The following STXBP5L variants were observed in gnomAD, a reference collection of about 807,000 sequenced individuals.
STXBP5L encodes syntaxin-binding protein 5-like.
A neutral mutation model predicts 144.5 loss-of-function variants in STXBP5L; 65 were observed. That is an observed-to-expected ratio of 0.45 (90% CI 0.37 to 0.55). STXBP5L has a LOEUF of 0.55. STXBP5L is among the 20% of genes least tolerant of loss of function. The probability of loss-of-function intolerance (pLI) is 0.00; values close to 1 mark genes in which losing one functional copy is unlikely to be tolerated. For synonymous variants in STXBP5L, 505 were observed against 469.6 expected (o/e 1.08, Z -0.97); for missense variants, 1,298 against 1,405.5 (o/e 0.92, Z 1.22).
At chr3:121,167,131 G>A (rs576047277) in intron 9 of STXBP5L, among the ~76,000 whole-genome samples, 2 of 151,912 alleles carry the variant, frequency 1.3e-5, no homozygotes, top group Non-Finnish European at 2.9e-5. Context: ...GAAAATAGAG[G>A]GTCCTCCAGA....
chr3:121,012,312 G>C (rs1944834099), intron 3 of STXBP5L, among the ~76,000 whole-genome samples: 1 of 151,700 alleles, frequency 6.6e-6, no homozygotes, highest in Admixed American at 6.6e-5. Context: ...GTTTTCATTT[G>C]TCTTGGGCAT....
chr3:121,280,126 T>A (rs550431194), intron 19 of STXBP5L, among the ~76,000 whole-genome samples, 170 bp downstream of exon 19: 3 of 151,972 alleles, frequency 2.0e-5, no homozygotes, highest in Non-Finnish European at 4.4e-5. Context: ...ATTGTGAGAA[T>A]CTTTGAAAGG....
At chr3:121,299,552 T>G (rs1204308370) in intron 19 of STXBP5L, among the ~76,000 whole-genome samples, 1 of 151,972 alleles carries the variant, frequency 6.6e-6, no homozygotes, top group Non-Finnish European at 1.5e-5. Flanking sequence ...CTAGAAATGA[T>G]CCAAACAGAA....
At chr3:121,028,349 GA>G (rs1478737791) in intron 3 of STXBP5L, among the ~76,000 whole-genome samples, 8 of 152,086 alleles carry the variant, frequency 5.3e-5, no homozygotes, top group African/African-American at 1.4e-4. Flanking sequence ...ATTAGTAATG[GA>G]AAAATTAATT....
At chr3:121,361,402 C>T (rs7649908) in intron 20 of STXBP5L, among the ~76,000 whole-genome samples, 112,736 of 151,964 alleles carry the variant, frequency 0.74, 42,031 homozygotes, top group East Asian at 0.93. Flanking sequence ...CTTCCCTACC[C>T]CCCCTTTAAG....
At chr3:121,176,508 A>G (rs2046940710) in intron 9 of STXBP5L, among the ~76,000 whole-genome samples, 2 of 148,876 alleles carry the variant, frequency 1.3e-5, no homozygotes, top group South Asian at 4.2e-4. Flanking sequence ...AAAAAAAAAA[A>G]GGTGAAGTAT....
At chr3:120,962,803 T>C (rs1939023475) in intron 3 of STXBP5L, among the ~76,000 whole-genome samples, 1 of 152,234 alleles carries the variant, frequency 6.6e-6, no homozygotes, top group Non-Finnish European at 1.5e-5. Flanking sequence ...TTTTTCCAAT[T>C]CTGTGAAGAA....
intron 20 of STXBP5L, among the ~76,000 whole-genome samples, chr3:121,355,153 C>G (rs1207532669): frequency 2.6e-5 from 4 of 152,134 alleles, no homozygotes; most frequent in African/African-American, 7.2e-5. Context: ...GTGAATCTGA[C>G]AATTATGTTC....
intron 9 of STXBP5L, among the ~76,000 whole-genome samples, chr3:121,198,609 TGTGTTTAG>T (rs2048013993): frequency 1.3e-5 from 2 of 152,234 alleles, no homozygotes; most frequent in African/African-American, 4.8e-5. Context: ...GGATTTTTTA[TGTGTTTAG>T]GTCTTACATT....
intron 7 of STXBP5L, among the ~76,000 whole-genome samples, chr3:121,129,278 T>C (rs965144457): frequency 1.3e-5 from 2 of 152,082 alleles, no homozygotes; most frequent in African/African-American, 4.8e-5. Context: ...TGGAATCTCC[T>C]GAAACTGTCT....
chr3:121,140,724 G>A (rs553127681), intron 7 of STXBP5L, among the ~76,000 whole-genome samples: 11 of 152,190 alleles, frequency 7.2e-5, no homozygotes, highest in African/African-American at 2.4e-4. Context: ...GTTACTTACC[G>A]GCAGCTGAGG....
At chr3:121,312,100 C>T in intron 19 of STXBP5L, among the ~76,000 whole-genome samples, 1 of 152,098 alleles carries the variant, frequency 6.6e-6, no homozygotes, top group East Asian at 1.9e-4. Context: ...GGAAAGGATT[C>T]CCTATTTAAT....
chr3:121,360,352 G>A (rs776907137), intron 20 of STXBP5L, among the ~76,000 whole-genome samples: 3 of 151,624 alleles, frequency 2.0e-5, no homozygotes, highest in Non-Finnish European at 2.9e-5. Context: ...AATCCATTCA[G>A]TCATTCTGTG....
In STXBP5L at chr3:121,267,869, G is replaced by A. The variant is rs146670500; in HGVS notation, c.1958+8701G>A. Among the ~76,000 whole-genome samples the A allele has an allele frequency of 8.3e-3, 1,260 of 152,176 alleles. 19 individuals are homozygous for A. The highest frequency in any genetic ancestry group is 0.026 in the African/African-American group (1,063 of 41,542). On this transcript the variant is annotated intron_variant, in intron 18 of 26. Coordinates refer to ENST00000471454, the MANE Select transcript of STXBP5L (RefSeq NM_001308330.2). ...AAATCACAATGAGATATTATCTCAC[G>A]CCAGTTAGAATGGTGATTATTAAAA...
At chr3:121,042,427 TG>T (rs1337586036) in intron 4 of STXBP5L, among the ~76,000 whole-genome samples, 1 of 152,154 alleles carries the variant, frequency 6.6e-6, no homozygotes. Context: ...ATTTTTATAG[TG>T]GAAATTAGAG....
chr3:121,001,313 A>G (rs1943756200), intron 3 of STXBP5L, among the ~76,000 whole-genome samples: 1 of 152,232 alleles, frequency 6.6e-6, no homozygotes, highest in South Asian at 2.1e-4. Flanking sequence ...ATCTGAGGCT[A>G]CACTGCAAGT....
chr3:120,990,019 T>C (rs1942678782), intron 3 of STXBP5L, among the ~76,000 whole-genome samples: 2 of 152,078 alleles, frequency 1.3e-5, no homozygotes, highest in African/African-American at 4.8e-5. Context: ...AGTCAAATTG[T>C]CCCTGTTTGC....
intron 19 of STXBP5L, among the ~76,000 whole-genome samples, chr3:121,312,469 T>A (rs1385826078): frequency 1.7e-5 from 2 of 114,780 alleles, no homozygotes; most frequent in Non-Finnish European, 3.6e-5. Flanking sequence ...TTTTTTTTTT[T>A]TTTTTTTTTA....
chr3:120,997,644 T>A (rs1202685406), intron 3 of STXBP5L, among the ~76,000 whole-genome samples: 1 of 152,190 alleles, frequency 6.6e-6, no homozygotes, highest in Non-Finnish European at 1.5e-5. Flanking sequence ...TGCTTTTTAA[T>A]TTGTTTTTAA....
Sources: allele counts gnomAD v4.1 joint callset (sites outside exome capture counted in the v4.1 genomes callset), GRCh38; gene constraint gnomAD v4.1.1; transcripts MANE v1.5; gene names NCBI Gene and HGNC (gene_info 2026-07-23, HGNC 2026-07-21).